Variants in PARP15 observed in about 807,000 individuals in gnomAD.
PARP15 encodes the protein poly(ADP-ribose) polymerase family member 15.
In PARP15, 50 loss-of-function variants were observed where a neutral mutation model predicts 62.1. The observed-to-expected ratio is 0.81, with a 90% CI of 0.64 to 1.02. The LOEUF is 1.02. Ranked by LOEUF, PARP15 falls within the 50% of genes least tolerant of loss-of-function variation. The pLI is 0.00. For synonymous variants in PARP15, 309 were observed against 293.1 expected, an observed-to-expected ratio of 1.05 and a Z score of -0.55; for missense variants, 820 against 826.5, an observed-to-expected ratio of 0.99 and a Z score of 0.10.
chr3:122,591,325 T>C (rs1489638060), intron 1 of PARP15, among the ~76,000 whole-genome samples: 2 of 152,200 alleles, frequency 1.3e-5, no homozygotes, highest in Admixed American at 1.3e-4. Context: ...TACAAGTCTC[T>C]CTTTTGGTTG....
At chr3:122,595,825 G>A (rs1009934626) in intron 1 of PARP15, among the ~76,000 whole-genome samples, 6 of 151,838 alleles carry the variant, frequency 4.0e-5, no homozygotes, top group African/African-American at 1.4e-4. Context: ...GAGCCACCAC[G>A]CTGGCTTGGC....
At chr3:122,617,449 C>T (rs889709158) in intron 6 of PARP15, among the ~76,000 whole-genome samples, 1 of 152,158 alleles carries the variant, frequency 6.6e-6, no homozygotes, top group Non-Finnish European at 1.5e-5. Flanking sequence ...GTTTAACTGA[C>T]GCATTGTACT....
intron 6 of PARP15, among the ~76,000 whole-genome samples, chr3:122,618,397 A>G (rs1455886218): frequency 6.6e-6 from 1 of 152,222 alleles, no homozygotes; most frequent in East Asian, 1.9e-4. Flanking sequence ...AAAAGATAAC[A>G]AATTTTTAGA....
At chr3:122,587,028 T>G (rs1933499385) in intron 1 of PARP15, among the ~76,000 whole-genome samples, 1 of 152,250 alleles carries the variant, frequency 6.6e-6, no homozygotes, top group Non-Finnish European at 1.5e-5. Flanking sequence ...GTCATATAGT[T>G]GAAATCATAC....
chr3:122,629,537 T>C (rs565689719), intron 9 of PARP15, among the ~76,000 whole-genome samples: 2 of 152,330 alleles, frequency 1.3e-5, no homozygotes, highest in African/African-American at 4.8e-5. Context: ...CCCAAACTTT[T>C]TGGGCCCAGG....
intron 1 of PARP15, among the ~76,000 whole-genome samples, chr3:122,586,963 C>T (rs1012037162): frequency 2.0e-5 from 3 of 152,246 alleles, no homozygotes; most frequent in Non-Finnish European, 4.4e-5. Context: ...TTCATCCTCC[C>T]TCTTGGCAAC....
At chr3:122,594,803 G>A in intron 1 of PARP15, 2 of 980,690 alleles carry the variant, frequency 2.0e-6, no homozygotes, top group Non-Finnish European at 2.4e-6. Context: ...AGCAACTTCA[G>A]ATTTCCTCAG....
At position 122,594,408 on chromosome 3, in the gene PARP15, T is replaced by C. The variant is rs1466760890; in HGVS notation, c.187-11528T>C. On this transcript the variant is annotated intron_variant, in intron 1 of 11. Coordinates refer to ENST00000464300, the MANE Select transcript of PARP15 (RefSeq NM_001113523.3). Reference sequence around the variant, plus strand: ...AAGATAAATCAGATTGAGAAAACAATATTGTGTAACAATTATTACTATTAT... The same window carrying C: ...AAGATAAATCAGATTGAGAAAACAACATTGTGTAACAATTATTACTATTAT... 3 of 360,942 alleles carry C rather than the reference T, an allele frequency of 8.3e-6. No individual in the cohort carries two copies. In the East Asian group the frequency reaches 5.0e-4, roughly 60 times the overall value. 22.4% of individuals were successfully genotyped at this position (360,942 alleles called of 1,614,324 possible).
Position 122,636,187 on chromosome 3 carries a change from G to C in PARP15, c.*87G>C, listed in dbSNP as rs1937363814. On this transcript the variant is annotated 3_prime_UTR_variant, in exon 12 of 12. Coordinates refer to ENST00000464300, the MANE Select transcript of PARP15 (RefSeq NM_001113523.3). The stretch of plus-strand genomic sequence containing the variant: ...TCTTTGCTTCTGGCCTGTGTAAGCA[G>C]ATGAAAGTTTCCCTTTTAGGTGCCA... 7.4e-7 allele frequency: 1 copy of C among 1,358,886 alleles called. No homozygotes were observed. Among genetic ancestry groups the C allele is most frequent in the Non-Finnish European group, 9.9e-7 (1 of 1,007,344 alleles). The allele number at this position is 1,358,886 out of a possible 1,614,324, so 84.2% of individuals were successfully genotyped here. A position where few individuals can be genotyped will look rare whatever the true frequency, so the allele number is the denominator to read the frequency against.
intron 11 of PARP15, 112 bp downstream of exon 11, chr3:122,635,306 T>C (rs1226092777): frequency 1.1e-6 from 1 of 929,422 alleles, no homozygotes; most frequent in Non-Finnish European, 1.6e-6. Flanking sequence ...ACTGTCAGAA[T>C]AGAGCTCACT....
intron 1 of PARP15, among the ~76,000 whole-genome samples, chr3:122,581,658 A>G (rs940093864): frequency 1.4e-4 from 22 of 152,162 alleles, no homozygotes; most frequent in African/African-American, 5.1e-4. Context: ...TCACCAATAT[A>G]TGATTTGCAA....
intron 1 of PARP15, among the ~76,000 whole-genome samples, chr3:122,579,999 G>GTATATATATA (rs59527124): frequency 0.027 from 1,711 of 63,510 alleles, 71 homozygotes; most frequent in Non-Finnish European, 0.035. Flanking sequence ...GCAACTATAT[G>GTATATATATA]TATATATATA....
At chr3:122,628,236 AGAG>A (rs1936853810) in intron 9 of PARP15, among the ~76,000 whole-genome samples, 1 of 152,196 alleles carries the variant, frequency 6.6e-6, no homozygotes, top group Non-Finnish European at 1.5e-5. Context: ...TTAAGCGCTG[AGAG>A]TCTTTCTGAT....
At chr3:122,615,911 C>T in intron 5 of PARP15, 54 bp downstream of exon 5, 1 of 1,519,848 alleles carries the variant, frequency 6.6e-7, no homozygotes, top group Non-Finnish European at 9.1e-7. Flanking sequence ...AGCAACTCTT[C>T]AGTGGTAGTT....
chr3:122,626,500 G>C (rs1226680646), intron 8 of PARP15, among the ~76,000 whole-genome samples: 1 of 152,120 alleles, frequency 6.6e-6, no homozygotes, highest in Non-Finnish European at 1.5e-5. Flanking sequence ...ACCTGGCCTA[G>C]CAGCTGGCAC....
intron 1 of PARP15, among the ~76,000 whole-genome samples, chr3:122,604,068 A>G (rs747129989): frequency 1.8e-4 from 28 of 152,218 alleles, no homozygotes; most frequent in Non-Finnish European, 3.5e-4. Context: ...AACATGTACT[A>G]TATTTTTACC....
At chr3:122,621,331 A>G (rs2107571141) in intron 7 of PARP15, 113 bp from the exon 8 acceptor site, 3 of 1,146,826 alleles carry the variant, frequency 2.6e-6, no homozygotes, top group Admixed American at 5.5e-5. Flanking sequence ...AGCTCGAGTG[A>G]GACTGGGCTT....
intron 1 of PARP15, among the ~76,000 whole-genome samples, chr3:122,583,862 A>G (rs1933182314): frequency 6.6e-6 from 1 of 152,152 alleles, no homozygotes; most frequent in Non-Finnish European, 1.5e-5. Flanking sequence ...CTCTTTGCGC[A>G]ACTCTCTCCT....
chr3:122,630,905 T>C (rs1937025034), intron 9 of PARP15, among the ~76,000 whole-genome samples: 1 of 151,958 alleles, frequency 6.6e-6, no homozygotes, highest in Admixed American at 6.6e-5. Flanking sequence ...GATGAGAAAA[T>C]AAAAACTCAC....
Sources: allele counts gnomAD v4.1 joint callset (sites outside exome capture counted in the v4.1 genomes callset), GRCh38; gene constraint gnomAD v4.1.1; transcripts MANE v1.5; gene names NCBI Gene and HGNC (gene_info 2026-07-23, HGNC 2026-07-21).